Variants in KIAA1217 observed in about 807,000 individuals in gnomAD.
The protein encoded by KIAA1217 is sickle tail protein homolog.
Under a neutral mutation model 163.9 loss-of-function variants are expected in KIAA1217, and 88 were observed. That is an observed-to-expected ratio of 0.54 (90% CI 0.45 to 0.64). The LOEUF (loss-of-function observed/expected upper bound fraction) is 0.64, where lower values mean the gene tolerates loss of function less well. KIAA1217 is among the 30% of genes least tolerant of loss of function. The pLI, the probability that KIAA1217 is intolerant of heterozygous loss-of-function variation, is 0.00. For synonymous variants in KIAA1217, 903 were observed against 923.1 expected, an observed-to-expected ratio of 0.98 and a Z score of 0.39; for missense variants, 2,372 against 2,475.0, an observed-to-expected ratio of 0.96 and a Z score of 0.88.
At chr10:24,145,406 A>G (rs192322770) in intron 2 of KIAA1217, among the ~76,000 whole-genome samples, 2 of 152,366 alleles carry the variant, frequency 1.3e-5, no homozygotes, top group African/African-American at 4.8e-5. Context: ...ACCTGTGCAT[A>G]TGGACCTCTT....
In KIAA1217 at chr10:23,790,386, C is replaced by T. The variant is rs1480643421; in HGVS notation, c.-321+95152C>T. ...ATATACATATACATATGTATATATA[C>T]ATATGTATATATACATATATACATA... On this transcript the variant is annotated intron_variant, in intron 1 of 18. Coordinates refer to the KIAA1217 transcript ENST00000376462. Among the ~76,000 whole-genome samples the T allele has an allele frequency of 6.0e-5, 5 of 83,128 alleles. 2 individuals are homozygous for T. The highest frequency in any genetic ancestry group is 5.1e-4 in the Admixed American group (4 of 7,860). The allele number at this position is 83,128 out of a possible 152,430, so 54.5% of individuals were successfully genotyped here. A position where few individuals can be genotyped will look rare whatever the true frequency, so the allele number is the denominator to read the frequency against.
chr10:23,813,228 C>T (rs905439456), intron 1 of KIAA1217, among the ~76,000 whole-genome samples: 1 of 152,032 alleles, frequency 6.6e-6, no homozygotes, highest in Non-Finnish European at 1.5e-5. Context: ...ATTTGTGTGT[C>T]TTCTTTGGAC....
chr10:24,537,276 G>GA (rs995827353), intron 17 of KIAA1217, among the ~76,000 whole-genome samples: 1 of 152,048 alleles, frequency 6.6e-6, no homozygotes, highest in African/African-American at 2.4e-5. Flanking sequence ...TATATGTTAA[G>GA]AAAAATAGGT....
chr10:24,434,025 CTTTTTTTTTTTT>C (rs569791889), intron 4 of KIAA1217, among the ~76,000 whole-genome samples: 24 of 72,634 alleles, frequency 3.3e-4, no homozygotes, highest in Admixed American at 5.8e-4. Context: ...CTCTCTCTCT[CTTTTTTTTTTTT>C]TTTTTTTTTT....
intron 2 of KIAA1217, among the ~76,000 whole-genome samples, chr10:24,359,408 G>A (rs1182850707): frequency 1.3e-5 from 2 of 152,072 alleles, no homozygotes; most frequent in Admixed American, 1.3e-4. Context: ...TTCATTTGAT[G>A]AGAATATTAA....
intron 2 of KIAA1217, among the ~76,000 whole-genome samples, chr10:24,067,175 G>A (rs7909283): frequency 0.16 from 23,781 of 152,048 alleles, 2,775 homozygotes; most frequent in African/African-American, 0.33. Context: ...GCTTTGTTCC[G>A]TTGCTGGTGA....
intron 2 of KIAA1217, among the ~76,000 whole-genome samples, chr10:24,151,834 G>T (rs1277066803): frequency 6.6e-6 from 1 of 152,038 alleles, no homozygotes; most frequent in Non-Finnish European, 1.5e-5. Flanking sequence ...AGAACTGAGG[G>T]CCAGATGGGA....
intron 1 of KIAA1217, among the ~76,000 whole-genome samples, chr10:23,814,132 G>A (rs1837209179): frequency 6.6e-6 from 1 of 152,156 alleles, no homozygotes; most frequent in Admixed American, 6.6e-5. Context: ...TTATCTCTGA[G>A]AGAGATGGCT....
At chr10:24,189,227 C>T (rs1589832481) in intron 2 of KIAA1217, among the ~76,000 whole-genome samples, 2 of 152,226 alleles carry the variant, frequency 1.3e-5, no homozygotes, top group East Asian at 3.9e-4. Flanking sequence ...ATTGAAAGCG[C>T]TTGACCTGCA....
chr10:24,246,016 C>A (rs1400246310), intron 2 of KIAA1217, among the ~76,000 whole-genome samples: 2 of 152,054 alleles, frequency 1.3e-5, no homozygotes, highest in Non-Finnish European at 2.9e-5. Context: ...TTTGGAGGGA[C>A]CTTTTTGTTT....
intron 2 of KIAA1217, chr10:24,157,796 T>A: frequency 2.4e-6 from 1 of 421,354 alleles, no homozygotes; most frequent in Non-Finnish European, 4.3e-6. Flanking sequence ...TACTCTCATA[T>A]GATATTTCTA....
At chr10:24,119,830 A>T (rs553655879) in intron 2 of KIAA1217, among the ~76,000 whole-genome samples, 59 of 152,306 alleles carry the variant, frequency 3.9e-4, no homozygotes, top group African/African-American at 1.4e-3. Context: ...CTGTCTGGCC[A>T]ATGTCTGGGC....
intron 1 of KIAA1217, among the ~76,000 whole-genome samples, chr10:23,918,150 C>CTT (rs559699322): frequency 1.0e-3 from 119 of 115,804 alleles, no homozygotes; most frequent in African/African-American, 2.6e-3. Flanking sequence ...GTAGCTGGGA[C>CTT]TTTTTTTTTT....
intron 11 of KIAA1217, among the ~76,000 whole-genome samples, chr10:24,520,649 AAAAT>A (rs1564848524): frequency 1.5e-5 from 1 of 67,722 alleles, no homozygotes; most frequent in African/African-American, 7.3e-5. Context: ...AAAAAAAAAA[AAAAT>A]ATATATATAT....
rs1448642235 is a variant in KIAA1217 at position 24,433,007 on chromosome 10, T to C, written c.566T>C (p.Leu189Pro). 6.2e-7 allele frequency: 1 copy of C among 1,613,858 alleles called. No homozygotes were observed. The highest frequency in any genetic ancestry group is 8.5e-7 in the Non-Finnish European group (1 of 1,179,946). The change falls in exon 4 of 21, where the codon CTC becomes CCC. Residue 189 changes from leucine to proline, a missense_variant. By Grantham distance (98) the Leu-to-Pro change is moderately conservative. This residue lies in a region of KIAA1217 where 1,431 missense variants were observed against 1,470.3 expected (regional missense o/e 0.97). Coordinates refer to ENST00000376454, the MANE Select transcript of KIAA1217 (RefSeq NM_019590.5). ...TKERSLGVLYLQYGDETKQLR... is the reference protein window; with the variant it reads ...TKERSLGVLYPQYGDETKQLR... ...CCTTTGTGTGCAGGGGTTCTCTATC[T>C]CCAGTATGGAGATGAAACCAAGCAG... is the stretch of plus-strand genomic sequence containing the variant.
intron 2 of KIAA1217, among the ~76,000 whole-genome samples, chr10:24,202,171 T>G (rs971785964): frequency 6.6e-6 from 1 of 152,134 alleles, no homozygotes; most frequent in Non-Finnish European, 1.5e-5. Context: ...TGGCCATCAC[T>G]CAACCGGAGG....
chr10:23,744,228 G>C (rs1839277630), intron 1 of KIAA1217, among the ~76,000 whole-genome samples: 1 of 152,168 alleles, frequency 6.6e-6, no homozygotes, highest in African/African-American at 2.4e-5. Flanking sequence ...TAGGTAGCCT[G>C]TTGTCCCAGG....
chr10:24,200,652 G>A (rs759898105), intron 2 of KIAA1217, among the ~76,000 whole-genome samples: 38 of 152,110 alleles, frequency 2.5e-4, no homozygotes, highest in Non-Finnish European at 4.4e-4. Context: ...GTATCCCTTC[G>A]CTATATATTT....
chr10:23,809,640 A>G (rs1836897929), intron 1 of KIAA1217, among the ~76,000 whole-genome samples: 1 of 152,090 alleles, frequency 6.6e-6, no homozygotes, highest in Admixed American at 6.5e-5. Flanking sequence ...CAAATAATCT[A>G]TAAATTAGTA....
Sources: gnomAD v4.1 joint callset for allele counts (sites outside exome capture counted in the v4.1 genomes callset) on GRCh38, gnomAD v4.1.1 for gene constraint, gnomAD v4.1.1 regional missense constraint, MANE v1.5 for transcripts, NCBI Gene and HGNC (gene_info 2026-07-23, HGNC 2026-07-21) for gene names.